WIPF2: variants seen among roughly 807,000 people sequenced by gnomAD.
WIPF2 encodes WAS/WASL-interacting protein family member 2.
WIPF2 carries 23 observed loss-of-function variants against 38.8 expected under a neutral mutation model. The ratio of observed to expected loss-of-function variants is 0.59; its 90% CI spans 0.43 to 0.84. The LOEUF is 0.84. Ranked by LOEUF, WIPF2 falls within the 40% of genes least tolerant of loss-of-function variation. The pLI, the probability that WIPF2 is intolerant of heterozygous loss-of-function variation, is 0.00. For synonymous variants in WIPF2, 210 were observed against 223.2 expected (o/e 0.94, Z 0.53); for missense variants, 574 against 580.5 (o/e 0.99, Z 0.11).
At chr17:40,253,496 T>A (rs932923526) in intron 1 of WIPF2, among the ~76,000 whole-genome samples, 3 of 152,220 alleles carry the variant, frequency 2.0e-5, no homozygotes, top group African/African-American at 7.2e-5. Context: ...TCTTGTGTTT[T>A]CTTTATTTTA....
At chr17:40,243,699 T>A (rs1204165409) in intron 1 of WIPF2, among the ~76,000 whole-genome samples, 1 of 151,858 alleles carries the variant, frequency 6.6e-6, no homozygotes, top group African/African-American at 2.4e-5. Context: ...TTTTTTTTTT[T>A]AAGTAGAGAT....
chr17:40,269,595 ACTGT>A (rs1192665630), intron 5 of WIPF2, among the ~76,000 whole-genome samples: 1 of 141,120 alleles, frequency 7.1e-6, no homozygotes, highest in East Asian at 2.1e-4. Flanking sequence ...AGAGTAAAAC[ACTGT>A]CTTTTTTTTT....
At position 40,256,401 on chromosome 17, in the gene WIPF2, G is replaced by T; in HGVS notation, c.-59G>T. 1 of 1,575,282 alleles carries T rather than the reference G, an allele frequency of 6.3e-7. No homozygotes were observed. Among genetic ancestry groups the T allele is most frequent in the Non-Finnish European group, 8.6e-7 (1 of 1,168,130 alleles). ...CTTTTTCATTTGCAGGTATATGAAT[G>T]ACCTAAAGGTACAAATAAAGACGGA... On this transcript the variant is annotated 5_prime_UTR_variant, in exon 2 of 8. The change abolishes an upstream ATG in the 5' untranslated region. Transcript: ENST00000323571.
intron 1 of WIPF2, among the ~76,000 whole-genome samples, chr17:40,241,550 T>C (rs1265529107): frequency 1.3e-5 from 2 of 152,172 alleles, no homozygotes; most frequent in Non-Finnish European, 2.9e-5. Context: ...CTTCATTTTT[T>C]TTAGTCAGCG....
chr17:40,229,303 G>A (rs1598466620), intron 1 of WIPF2, among the ~76,000 whole-genome samples: 1 of 152,064 alleles, frequency 6.6e-6, no homozygotes, highest in East Asian at 1.9e-4. Context: ...TAGAGACGGG[G>A]TTTCTCCTTA....
intron 1 of WIPF2, among the ~76,000 whole-genome samples, chr17:40,231,701 G>T (rs997583326): frequency 6.6e-6 from 1 of 152,084 alleles, no homozygotes; most frequent in African/African-American, 2.4e-5. Flanking sequence ...GGGATTACAG[G>T]CGTGAGCCAC....
At chr17:40,231,749 T>G (rs2030748044) in intron 1 of WIPF2, among the ~76,000 whole-genome samples, 1 of 151,768 alleles carries the variant, frequency 6.6e-6, no homozygotes, top group African/African-American at 2.4e-5. Flanking sequence ...ATATGGAGCG[T>G]GCAGATGAAG....
chr17:40,226,161 C>T (rs1338920434), intron 1 of WIPF2, among the ~76,000 whole-genome samples: 1 of 148,964 alleles, frequency 6.7e-6, no homozygotes, highest in Non-Finnish European at 1.5e-5. Context: ...AAAACATTCT[C>T]CATATGTATT....
Position 40,219,403 on chromosome 17 carries a change from G to T in WIPF2, c.-159G>T. On this transcript the variant is annotated 5_prime_UTR_variant, in exon 1 of 8. Transcript: ENST00000323571. ...GGCGGCGGCGGCGGCGGCGGCGACG[G>T]CGAGAAAGAGCTTGCCGGGGGGCGA... The T allele has an allele frequency of 2.4e-6, 1 of 411,692 alleles. No homozygotes were observed. Among genetic ancestry groups the T allele is most frequent in the Non-Finnish European group, 4.6e-6 (1 of 217,994 alleles). The allele number at this position is 411,692 out of a possible 1,614,324, so 25.5% of individuals were successfully genotyped here.
intron 1 of WIPF2, among the ~76,000 whole-genome samples, chr17:40,230,050 G>T (rs1042640689): frequency 6.6e-6 from 1 of 152,154 alleles, no homozygotes; most frequent in Non-Finnish European, 1.5e-5. Context: ...TAAAAAATGG[G>T]TAAATAGGCT....
intron 1 of WIPF2, among the ~76,000 whole-genome samples, chr17:40,238,230 GATTCTTATCTTTCGTGT>G (rs774491509): frequency 4.6e-5 from 7 of 152,030 alleles, no homozygotes; most frequent in Non-Finnish European, 1.0e-4. Context: ...TTGTTACTTT[GATTCTTATCTTTCGTGT>G]TAGAGATTTT....
intron 1 of WIPF2, among the ~76,000 whole-genome samples, chr17:40,236,714 A>C (rs979908653): frequency 6.6e-6 from 1 of 150,442 alleles, no homozygotes; most frequent in African/African-American, 2.5e-5. Context: ...GGTTCAAGCA[A>C]TTCCCTGCCT....
chr17:40,270,822 T>C (rs1842705902), intron 5 of WIPF2, among the ~76,000 whole-genome samples: 1 of 151,788 alleles, frequency 6.6e-6, no homozygotes, highest in African/African-American at 2.4e-5. Context: ...TGAGGAAGAG[T>C]TGACATTCTG....
At chr17:40,244,094 T>C (rs2031281462) in intron 1 of WIPF2, among the ~76,000 whole-genome samples, 1 of 152,130 alleles carries the variant, frequency 6.6e-6, no homozygotes, top group Non-Finnish European at 1.5e-5. Flanking sequence ...AAAGCCTTTT[T>C]TTGGAGTGGT....
intron 1 of WIPF2, among the ~76,000 whole-genome samples, chr17:40,222,654 GTTTTTTTTTTT>G (rs58758484): frequency 1.1e-3 from 60 of 52,846 alleles, no homozygotes; most frequent in Middle Eastern, 0.014. Context: ...TGCATATTCA[GTTTTTTTTTTT>G]TTTTTTTTTT....
chr17:40,247,142 A>C (rs2031394754), intron 1 of WIPF2, among the ~76,000 whole-genome samples: 2 of 148,006 alleles, frequency 1.4e-5, no homozygotes, highest in African/African-American at 2.5e-5. Flanking sequence ...CACAAAAACA[A>C]CTCGCTTGTT....
At chr17:40,264,355 AAAAAC>A in intron 4 of WIPF2, 130 bp from the exon 5 acceptor site, 7 of 664,642 alleles carry the variant, frequency 1.1e-5, no homozygotes, top group Non-Finnish European at 1.2e-5. Context: ...AAAAAAAAAG[AAAAAC>A]AAAAAACCCA....
intron 6 of WIPF2, among the ~76,000 whole-genome samples, chr17:40,274,954 A>T (rs1414092052): frequency 1.3e-5 from 2 of 149,840 alleles, no homozygotes; most frequent in African/African-American, 2.4e-5. Flanking sequence ...AAAAAAAAAA[A>T]GTCGGCTGGG....
intron 1 of WIPF2, among the ~76,000 whole-genome samples, chr17:40,228,811 T>G (rs1291657276): frequency 1.3e-5 from 2 of 151,914 alleles, no homozygotes; most frequent in East Asian, 3.9e-4. Flanking sequence ...AGACGTGAGG[T>G]CTCACTTTGT....
Sources: allele counts gnomAD v4.1 joint callset (sites outside exome capture counted in the v4.1 genomes callset), GRCh38; gene constraint gnomAD v4.1.1; transcripts MANE v1.5; gene names NCBI Gene and HGNC (gene_info 2026-07-23, HGNC 2026-07-21).